USP53: variants seen among roughly 807,000 people sequenced by gnomAD.
USP53 encodes the protein ubiquitin carboxyl-terminal hydrolase 53.
A neutral mutation model predicts 94.9 loss-of-function variants in USP53; 71 were observed. The observed-to-expected ratio is 0.75, with a 90% CI of 0.62 to 0.91. The LOEUF (loss-of-function observed/expected upper bound fraction) is 0.91. Ranked by LOEUF, USP53 falls within the 40% of genes least tolerant of loss-of-function variation. The pLI is 0.00. For synonymous variants in USP53, 375 were observed against 422.7 expected, an observed-to-expected ratio of 0.89 and a Z score of 1.39; for missense variants, 1,173 against 1,281.0, an observed-to-expected ratio of 0.92 and a Z score of 1.29.
rs964779800 is a variant in USP53, at chr4:119,239,323, A to C, written c.-437A>C. On this transcript the variant is annotated 5_prime_UTR_variant, in exon 5 of 19. Coordinates refer to ENST00000692078, the MANE Select transcript of USP53 (RefSeq NM_001371395.1). ...TGTTAAAAAAACATAAGGAAAACAAACAACCAAAGGAATCATGCCAAATGC... is the reference window on the plus strand; with the variant it reads ...TGTTAAAAAAACATAAGGAAAACAACCAACCAAAGGAATCATGCCAAATGC... The C allele has an allele frequency of 6.3e-6, 1 of 158,744 alleles. No individual in the cohort carries two copies. Among genetic ancestry groups the C allele is most frequent in the African/African-American group, 2.4e-5 (1 of 41,788 alleles). The allele number at this position is 158,744 out of a possible 1,614,324, so 9.8% of individuals were successfully genotyped here. A position where few individuals can be genotyped will look rare whatever the true frequency, so the allele number is the denominator to read the frequency against.
intron 9 of USP53, among the ~76,000 whole-genome samples, chr4:119,259,296 G>C (rs976592620): frequency 1.5e-5 from 2 of 134,394 alleles, no homozygotes; most frequent in Admixed American, 7.3e-5. Flanking sequence ...AAAAAAAAAA[G>C]GGGGGGGAGT....
intron 1 of USP53, chr4:119,213,113 G>A (rs1743094345): frequency 6.5e-6 from 1 of 153,246 alleles, no homozygotes; most frequent in African/African-American, 2.4e-5. Flanking sequence ...CCTCTGGCCA[G>A]GCTGGAGGCG....
intron 3 of USP53, among the ~76,000 whole-genome samples, chr4:119,222,325 C>A (rs1214610265): frequency 6.6e-6 from 1 of 152,114 alleles, no homozygotes; most frequent in Non-Finnish European, 1.5e-5. Flanking sequence ...TAATACTACC[C>A]TTGTAGTTAT....
In USP53 at chr4:119,279,702, C is replaced by G. The variant is rs1045010360; in HGVS notation, c.2251+5994C>G. ...ATGGCGGGCGCCCCTCCCCCAGCCT[C>G]GCTGTCGCCTTGCAGTTTGATCTCA... On this transcript the variant is annotated intron_variant, in intron 17 of 18. Coordinates refer to ENST00000692078, the MANE Select transcript of USP53 (RefSeq NM_001371395.1). 1.1e-4 allele frequency among the ~76,000 whole-genome samples: 17 copies of G among 152,294 alleles called. No individual in the cohort carries two copies. In the South Asian group the frequency reaches 2.5e-3, roughly 22 times the overall value.
At chr4:119,237,345 T>G (rs1551) in intron 4 of USP53, among the ~76,000 whole-genome samples, 43,922 of 151,930 alleles carry the variant, frequency 0.29, 6,495 homozygotes, top group East Asian at 0.38. Flanking sequence ...AACTGCATTA[T>G]GTCCTAATAA....
intron 18 of USP53, among the ~76,000 whole-genome samples, chr4:119,291,756 C>T (rs1754786792): frequency 1.3e-5 from 2 of 152,148 alleles, no homozygotes; most frequent in Admixed American, 6.5e-5. Flanking sequence ...TGTGGTGGTA[C>T]ATGTCTGTAA....
At position 119,256,367 on chromosome 4, in the gene USP53, G is replaced by T. The variant is rs7668372; in HGVS notation, c.486+8G>T. The T allele has an allele frequency of 0.34, 548,241 of 1,612,680 alleles. 94,609 individuals carry two copies. The highest frequency in any genetic ancestry group is 0.43 in the South Asian group (38,943 of 91,042). On this transcript the variant is annotated splice_region_variant and intron_variant, in intron 8 of 18. Coordinates refer to ENST00000692078, the MANE Select transcript of USP53 (RefSeq NM_001371395.1). ...ATGACTCTGTATGAACAGGTGAGAT[G>T]GCTTGATTATTATTTAGATATTGTA...
chr4:119,213,660 A>ATGTGTGTGTGTGTGTGTGTGTGTGTG (rs1553962017), intron 1 of USP53, among the ~76,000 whole-genome samples: 43 of 117,632 alleles, frequency 3.7e-4, no homozygotes, highest in African/African-American at 7.9e-4. Flanking sequence ...ATATATATAT[A>ATGTGTGTGTGTGTGTGTGTGTGTGTG]TGTGTGTGTG....
intron 3 of USP53, among the ~76,000 whole-genome samples, chr4:119,231,731 AC>A (rs1258833281): frequency 6.6e-6 from 1 of 152,126 alleles, no homozygotes; most frequent in African/African-American, 2.4e-5. Flanking sequence ...TCAGGAGGAA[AC>A]CAGGCACAAA....
At chr4:119,251,564 CTGT>C (rs1174839570) in intron 7 of USP53, among the ~76,000 whole-genome samples, 5 of 152,194 alleles carry the variant, frequency 3.3e-5, no homozygotes, top group Non-Finnish European at 4.4e-5. Flanking sequence ...TCTCCAGCAT[CTGT>C]TGTTTCTTGA....
chr4:119,277,800 T>C (rs1752855862), intron 17 of USP53, among the ~76,000 whole-genome samples: 1 of 112,440 alleles, frequency 8.9e-6, no homozygotes, highest in Non-Finnish European at 2.0e-5. Flanking sequence ...TGGGTGCATA[T>C]ATATTTAGGA....
intron 3 of USP53, among the ~76,000 whole-genome samples, chr4:119,233,707 T>G (rs1746367454): frequency 6.6e-6 from 1 of 152,220 alleles, no homozygotes. Context: ...TTGTTTTAAA[T>G]TTGTGGTCTC....
intron 12 of USP53, among the ~76,000 whole-genome samples, chr4:119,264,806 A>C (rs895304765): frequency 1.5e-4 from 23 of 152,182 alleles, no homozygotes; most frequent in Admixed American, 1.5e-3. Context: ...AACCCAGCAA[A>C]TCCACTCCTG....
intron 7 of USP53, among the ~76,000 whole-genome samples, chr4:119,254,207 C>A (rs1749445301): frequency 6.6e-6 from 1 of 152,262 alleles, no homozygotes; most frequent in East Asian, 1.9e-4. Context: ...TTTGGTTGCT[C>A]TTCTCAAGGA....
At chr4:119,217,165 T>G (rs1289788199) in intron 2 of USP53, among the ~76,000 whole-genome samples, 2 of 152,196 alleles carry the variant, frequency 1.3e-5, no homozygotes, top group Non-Finnish European at 2.9e-5. Context: ...TCCATCCTTG[T>G]CAAGAAGCCA....
Position 119,225,467 on chromosome 4 carries a change from C to G in USP53, c.-665+7794C>G, listed in dbSNP as rs1432292183. Among the ~76,000 whole-genome samples the G allele has an allele frequency of 7.9e-5, 12 of 152,238 alleles. No homozygotes were observed. In the East Asian group the frequency reaches 2.3e-3, roughly 29 times the overall value. On this transcript the variant is annotated intron_variant, in intron 3 of 18. Coordinates refer to ENST00000692078, the MANE Select transcript of USP53 (RefSeq NM_001371395.1). ...GAGATGATTATAACTCTAATAACAGCCAGGCGTGGTGGCTCACGCCTGTAA... is the reference window on the plus strand; with the variant it reads ...GAGATGATTATAACTCTAATAACAGGCAGGCGTGGTGGCTCACGCCTGTAA...
At chr4:119,266,254 T>C (rs1751109551) in intron 12 of USP53, 1 of 456,110 alleles carries the variant, frequency 2.2e-6, no homozygotes, top group South Asian at 1.6e-5. Flanking sequence ...GTTTACCTGT[T>C]GAAGTATGAG....
In USP53 at chr4:119,240,093, T is replaced by G. The variant is rs568418984; in HGVS notation, c.144+190T>G. 5.2e-4 allele frequency among the ~76,000 whole-genome samples: 79 copies of G among 152,292 alleles called. 1 individual carries two copies. In the South Asian group the frequency reaches 0.015, roughly 28 times the overall value. ...TTTTATAATAAATGAAAATGGTTTT[T>G]TTCAACAGACTGATGTATCACTATG... On this transcript the variant is annotated intron_variant, in intron 5 of 18. Transcript: ENST00000692078.
At chr4:119,267,208 G>C in intron 12 of USP53, 112 bp from the exon 13 acceptor site, 2 of 884,354 alleles carry the variant, frequency 2.3e-6, no homozygotes, top group Non-Finnish European at 3.3e-6. Context: ...ACTACTAGCA[G>C]CTGCATATCT....
Sources: allele counts gnomAD v4.1 joint callset (sites outside exome capture counted in the v4.1 genomes callset), GRCh38; gene constraint gnomAD v4.1.1; transcripts MANE v1.5; gene names NCBI Gene and HGNC (gene_info 2026-07-23, HGNC 2026-07-21).